PTPN13: variants seen among roughly 807,000 people sequenced by gnomAD.
PTPN13 encodes the protein protein tyrosine phosphatase non-receptor type 13.
Under a neutral mutation model 284.0 loss-of-function variants are expected in PTPN13, and 191 were observed. The ratio of observed to expected loss-of-function variants is 0.67; its 90% CI spans 0.60 to 0.76. The LOEUF is 0.76. Among genes scored for constraint, PTPN13 ranks in the 30% least tolerant of loss-of-function variants. The pLI is 0.00. For missense variants in PTPN13, 2,797 were observed against 2,939.9 expected, an observed-to-expected ratio of 0.95 and a Z score of 1.12; for synonymous variants, 986 against 1,022.3, an observed-to-expected ratio of 0.96 and a Z score of 0.68.
At chr4:86,659,356 A>G (rs1452720591) in intron 2 of PTPN13, among the ~76,000 whole-genome samples, 1 of 152,226 alleles carries the variant, frequency 6.6e-6, no homozygotes, top group Non-Finnish European at 1.5e-5. Flanking sequence ...AATTTTATCA[A>G]AAATATTTAT....
chr4:86,647,189 C>T (rs910061278), intron 2 of PTPN13, among the ~76,000 whole-genome samples: 1 of 152,134 alleles, frequency 6.6e-6, no homozygotes, highest in African/African-American at 2.4e-5. Context: ...TATGTCAGAA[C>T]ATCAAATTGT....
Position 86,737,186 on chromosome 4 carries a change from T to C in PTPN13, c.2304+1440T>C, listed in dbSNP as rs189977718. Among the ~76,000 whole-genome samples the C allele has an allele frequency of 1.4e-3, 211 of 151,906 alleles. 2 individuals are homozygous for C. Among genetic ancestry groups the C allele is most frequent in the African/African-American group, 4.9e-3 (202 of 41,474 alleles). On this transcript the variant is annotated intron_variant, in intron 15 of 47. Coordinates refer to ENST00000411767, the MANE Select transcript of PTPN13 (RefSeq NM_080683.3). ...CTGGGAGTTTGAGGCTGCAGTAAGCTTTGATCTTGTCACTGGGTTCCAGCC... is the reference window on the plus strand; with the variant it reads ...CTGGGAGTTTGAGGCTGCAGTAAGCCTTGATCTTGTCACTGGGTTCCAGCC...
chr4:86,734,235 G>A (rs1735250484), intron 12 of PTPN13, 68 bp from the exon 13 acceptor site: 1 of 1,231,448 alleles, frequency 8.1e-7, no homozygotes, highest in Non-Finnish European at 1.1e-6. Flanking sequence ...ACCAAAAAGT[G>A]AAGAAATCGG....
chr4:86,808,847 G>A (rs1744923603), intron 45 of PTPN13, among the ~76,000 whole-genome samples: 1 of 152,046 alleles, frequency 6.6e-6, no homozygotes. Flanking sequence ...ATAGTGCTGT[G>A]GAAAAAAATA....
intron 2 of PTPN13, among the ~76,000 whole-genome samples, chr4:86,651,071 T>A (rs191342943): frequency 1.1e-4 from 16 of 152,206 alleles, no homozygotes; most frequent in Non-Finnish European, 1.5e-5. Flanking sequence ...ATGGCCTTGA[T>A]CATGTTGAGG....
In PTPN13 at chr4:86,669,663, T is replaced by C. The variant is rs145907822; in HGVS notation, c.116-2702T>C. On this transcript the variant is annotated intron_variant, in intron 2 of 47. Coordinates refer to ENST00000411767, the MANE Select transcript of PTPN13 (RefSeq NM_080683.3). Reference sequence around the variant, plus strand: ...CATGCTGAGGAGGGGAGAGGGTCAGTCTGTATCCAGGGATGAAAAGGAAGA... The same window carrying C: ...CATGCTGAGGAGGGGAGAGGGTCAGCCTGTATCCAGGGATGAAAAGGAAGA... Among the ~76,000 whole-genome samples the C allele has an allele frequency of 5.8e-3, 889 of 152,208 alleles. 6 individuals are homozygous for C. Among genetic ancestry groups the C allele is most frequent in the African/African-American group, 0.019 (793 of 41,528 alleles).
At chr4:86,809,414 G>A (rs756514570) in intron 45 of PTPN13, among the ~76,000 whole-genome samples, 1 of 152,098 alleles carries the variant, frequency 6.6e-6, no homozygotes, top group East Asian at 1.9e-4. Flanking sequence ...AGAATTAATT[G>A]TGGCCGGGCA....
chr4:86,666,301 C>T (rs770114017), intron 2 of PTPN13, among the ~76,000 whole-genome samples: 2 of 30,944 alleles, frequency 6.5e-5, no homozygotes, highest in South Asian at 2.1e-3. Flanking sequence ...ACCCGAGGTT[C>T]GTAGACTTGC....
intron 6 of PTPN13, among the ~76,000 whole-genome samples, chr4:86,700,036 C>T (rs1730985062): frequency 6.6e-6 from 1 of 152,024 alleles, no homozygotes; most frequent in Non-Finnish European, 1.5e-5. Flanking sequence ...TGAGTAGATT[C>T]ATGGGAAGAT....
intron 5 of PTPN13, among the ~76,000 whole-genome samples, chr4:86,690,779 C>T (rs567190156): frequency 1.5e-3 from 229 of 152,112 alleles, no homozygotes; most frequent in Non-Finnish European, 2.7e-3. Context: ...TATTACCTAT[C>T]TAATAATTGC....
chr4:86,765,251 G>C, intron 25 of PTPN13, 144 bp from the exon 26 acceptor site: 1 of 591,486 alleles, frequency 1.7e-6, no homozygotes, highest in Non-Finnish European at 3.0e-6. Context: ...TCCCTCATTA[G>C]TATACTAATG....
intron 1 of PTPN13, among the ~76,000 whole-genome samples, chr4:86,630,266 C>T (rs1019498867): frequency 2.0e-5 from 3 of 152,008 alleles, no homozygotes; most frequent in Non-Finnish European, 2.9e-5. Flanking sequence ...AAAACCTTCC[C>T]AAGTACCCAA....
At chr4:86,787,811 C>A (rs1310870185) in intron 40 of PTPN13, among the ~76,000 whole-genome samples, 2 of 152,042 alleles carry the variant, frequency 1.3e-5, no homozygotes, top group Non-Finnish European at 2.9e-5. Context: ...TATAAATTTG[C>A]CTCATACTTT....
At chr4:86,722,975 G>T (rs73835709) in intron 10 of PTPN13, among the ~76,000 whole-genome samples, 1 of 152,034 alleles carries the variant, frequency 6.6e-6, no homozygotes, top group South Asian at 2.1e-4. Context: ...TCTGTATCTT[G>T]TATCTTGTGG....
chr4:86,724,099 C>G (rs1733966878), intron 10 of PTPN13, among the ~76,000 whole-genome samples: 1 of 152,102 alleles, frequency 6.6e-6, no homozygotes, highest in African/African-American at 2.4e-5. Context: ...ATTTTAAAAC[C>G]TCTTTATTCC....
At chr4:86,709,781 A>G (rs577821709) in intron 7 of PTPN13, among the ~76,000 whole-genome samples, 19 of 152,324 alleles carry the variant, frequency 1.2e-4, no homozygotes, top group African/African-American at 4.3e-4. Context: ...TGTGGCTACT[A>G]TATCACACAA....
At position 86,814,648 on chromosome 4, in the gene PTPN13, C is replaced by T. The variant is rs1745606976; in HGVS notation, c.*97C>T. ...AATAAAGATCACAGAGCAGCAAGTT[C>T]ATACAACATGCATGTTCTCCTCTAT... On this transcript the variant is annotated 3_prime_UTR_variant, in exon 48 of 48. Coordinates refer to ENST00000411767, the MANE Select transcript of PTPN13 (RefSeq NM_080683.3). 1 of 903,370 alleles carries T rather than the reference C, an allele frequency of 1.1e-6. No homozygotes were observed. Among genetic ancestry groups the T allele is most frequent in the African/African-American group, 1.7e-5 (1 of 59,904 alleles). 56.0% of individuals were successfully genotyped at this position (903,370 alleles called of 1,614,324 possible).
chr4:86,766,142 T>C (rs28507871), intron 26 of PTPN13, among the ~76,000 whole-genome samples: 36,454 of 152,120 alleles, frequency 0.24, 4,852 homozygotes, highest in Admixed American at 0.29. Context: ...ATCTACACTT[T>C]TAGTAAGGAC....
rs75387090 is a variant in PTPN13, at chr4:86,665,987, G to A, written c.116-6378G>A. Among the ~76,000 whole-genome samples, 3 of 152,260 alleles carry A rather than the reference G, an allele frequency of 2.0e-5. No individual in the cohort carries two copies. The East Asian group carries it at 5.8e-4, about 29-fold the overall frequency. On this transcript the variant is annotated intron_variant, in intron 2 of 47. Coordinates refer to ENST00000411767, the MANE Select transcript of PTPN13 (RefSeq NM_080683.3). ...TGCTGTATGCCAGGAACCGTTCTAA[G>A]TCTTTAGTTTTGGTTTTTGTTTTTT...
Sources: gnomAD v4.1 joint callset for allele counts (sites outside exome capture counted in the v4.1 genomes callset) on GRCh38, gnomAD v4.1.1 for gene constraint, MANE v1.5 for transcripts, NCBI Gene and HGNC (gene_info 2026-07-23, HGNC 2026-07-21) for gene names.